TNIP3: variants seen among roughly 807,000 people sequenced by gnomAD.
TNIP3 encodes the protein TNFAIP3-interacting protein 3.
Under a neutral mutation model 54.1 loss-of-function variants are expected in TNIP3, and 34 were observed. The ratio of observed to expected loss-of-function variants is 0.63; its 90% confidence interval spans 0.48 to 0.84. The LOEUF (loss-of-function observed/expected upper bound fraction) is 0.84, where lower values mean the gene tolerates loss of function less well. TNIP3 is among the 40% of genes least tolerant of loss of function. The probability of loss-of-function intolerance (pLI) is 0.00; values close to 1 mark genes in which losing one functional copy is unlikely to be tolerated. For synonymous variants in TNIP3, 134 were observed against 136.8 expected (o/e 0.98, Z 0.14); for missense variants, 366 against 387.6 (o/e 0.94, Z 0.47).
upstream of TNIP3, among the ~76,000 whole-genome samples, chr4:121,165,659 T>TTGTGTGTGTGTG (rs67730856): frequency 4.1e-5 from 6 of 146,804 alleles, no homozygotes; most frequent in African/African-American, 1.5e-4. Context: ...TTTTGCTAGT[T>TTGTGTGTGTGTG]TGTGTGTGTG....
chr4:121,216,733 G>C, upstream of TNIP3: 1 of 869,980 alleles, frequency 1.1e-6, no homozygotes, highest in East Asian at 3.5e-5. Flanking sequence ...CAGGCTCAGT[G>C]AGTTAAGGAA....
At chr4:121,202,872 G>A (rs531350651) in intron 2 of TNIP3, among the ~76,000 whole-genome samples, 4 of 152,174 alleles carry the variant, frequency 2.6e-5, no homozygotes, top group Non-Finnish European at 2.9e-5. Context: ...AAACCAAAAT[G>A]TAATACCACC....
intron 2 of TNIP3, among the ~76,000 whole-genome samples, chr4:121,185,475 C>T (rs925334700): frequency 1.3e-5 from 2 of 152,104 alleles, no homozygotes; most frequent in Admixed American, 1.3e-4. Context: ...TATTTGTTTA[C>T]TTTTCTCCTC....
chr4:121,206,324 C>T lies in TNIP3; in HGVS notation c.68+10091G>A, dbSNP rs186307960. Among the ~76,000 whole-genome samples the T allele has an allele frequency of 6.7e-4, 102 of 152,196 alleles. 2 individuals are homozygous for T. The highest frequency in any genetic ancestry group is 2.2e-3 in the African/African-American group (91 of 41,540). On this transcript the variant is annotated intron_variant, in intron 2 of 12. Transcript: ENST00000507879. ...AACCTTTTGCTAAACACTTTGCATG[C>T]GTTATCTCATTTAATCCTCTCCTTA... is the stretch of plus-strand genomic sequence containing the variant.
upstream of TNIP3, among the ~76,000 whole-genome samples, chr4:121,167,003 A>T (rs906774659): frequency 3.3e-5 from 5 of 152,132 alleles, no homozygotes; most frequent in African/African-American, 7.2e-5. Flanking sequence ...ATTTTATACA[A>T]TGGGATAGTA....
chr4:121,154,389 A>G, intron 5 of TNIP3, 162 bp downstream of exon 5: 1 of 898,426 alleles, frequency 1.1e-6, no homozygotes, highest in Non-Finnish European at 1.7e-6. Context: ...GTATGACTGA[A>G]AGCTGCAGCT....
At chr4:121,140,300 C>T (rs570007115) in intron 9 of TNIP3, among the ~76,000 whole-genome samples, 46 of 151,482 alleles carry the variant, frequency 3.0e-4, no homozygotes, top group Non-Finnish European at 5.4e-4. Flanking sequence ...CACCACTGCA[C>T]TACAGCCTGG....
chr4:121,172,780 T>C (rs1724045524), intron 3 of TNIP3, among the ~76,000 whole-genome samples: 1 of 152,110 alleles, frequency 6.6e-6, no homozygotes, highest in African/African-American at 2.4e-5. Context: ...GCACAGAAAA[T>C]ATAAATTGCC....
intron 2 of TNIP3, among the ~76,000 whole-genome samples, chr4:121,190,006 G>T (rs1215401904): frequency 6.6e-6 from 1 of 152,184 alleles, no homozygotes; most frequent in Admixed American, 6.5e-5. Context: ...GCAGCTGCAG[G>T]TGCTGGTGCT....
Position 121,158,675 on chromosome 4 carries a change from A to G in TNIP3, c.213+12T>C, listed in dbSNP as rs1382227732. Reference sequence around the variant, plus strand: ...GCTTTAAAGAAAATACCGAATAGAGAGAGGTATTTACCTTTCTTTCATATA... The same window carrying G: ...GCTTTAAAGAAAATACCGAATAGAGGGAGGTATTTACCTTTCTTTCATATA... On this transcript the variant is annotated intron_variant, in intron 3 of 10. Coordinates refer to ENST00000057513, the MANE Select transcript of TNIP3 (RefSeq NM_024873.6). The G allele has an allele frequency of 6.3e-7, 1 of 1,598,092 alleles. No individual in the cohort carries two copies. The highest frequency in any genetic ancestry group is 8.6e-7 in the Non-Finnish European group (1 of 1,166,646).
intron 1 of TNIP3, chr4:121,227,286 T>A: frequency 9.4e-7 from 1 of 1,058,238 alleles, no homozygotes; most frequent in Non-Finnish European, 1.4e-6. Context: ...GTCTTTTTAA[T>A]ATGAGAACTT....
intron 5 of TNIP3, among the ~76,000 whole-genome samples, chr4:121,153,551 T>C (rs956017307): frequency 6.6e-6 from 1 of 152,232 alleles, no homozygotes; most frequent in Non-Finnish European, 1.5e-5. Flanking sequence ...TTTTCTGTCT[T>C]AGAGGATAAA....
At chr4:121,216,353 G>A (rs1307929443) in intron 2 of TNIP3, 1 of 1,359,244 alleles carries the variant, frequency 7.4e-7, no homozygotes, top group Non-Finnish European at 1.0e-6. Context: ...CCACAAAGCA[G>A]AAGTGCTCTA....
upstream of TNIP3, among the ~76,000 whole-genome samples, chr4:121,167,320 T>G (rs554100431): frequency 1.3e-5 from 2 of 152,252 alleles, no homozygotes; most frequent in South Asian, 2.1e-4. Flanking sequence ...AAATGAATGA[T>G]AGAGACAATA....
At chr4:121,178,091 C>T (rs187060133) in intron 3 of TNIP3, among the ~76,000 whole-genome samples, 1 of 152,086 alleles carries the variant, frequency 6.6e-6, no homozygotes, top group Non-Finnish European at 1.5e-5. Flanking sequence ...GAGCTCTGCT[C>T]TAGTCTTCAA....
At chr4:121,144,463 C>T (rs1300888370) in intron 7 of TNIP3, among the ~76,000 whole-genome samples, 1 of 152,088 alleles carries the variant, frequency 6.6e-6, no homozygotes, top group Non-Finnish European at 1.5e-5. Flanking sequence ...ATGCAGTGGC[C>T]CAATCTCGGC....
At chr4:121,176,020 G>GAAGGAGGAGGAGA (rs1724306310) in intron 3 of TNIP3, among the ~76,000 whole-genome samples, 3 of 152,192 alleles carry the variant, frequency 2.0e-5, no homozygotes, top group Admixed American at 2.0e-4. Context: ...TCCTCGTAAT[G>GAAGGAGGAGGAGA]AATGGAAGGA....
exon 3 of TNIP3, chr4:121,182,687 A>G: frequency 6.5e-7 from 1 of 1,534,126 alleles, no homozygotes; most frequent in South Asian, 1.2e-5. Context: ...TTCAGAGAAC[A>G]TAGATTTCTG....
chr4:121,138,687 G>A lies in TNIP3; in HGVS notation c.886-3C>T, dbSNP rs369603027. 86 of 1,613,420 alleles carry A rather than the reference G, an allele frequency of 5.3e-5. No homozygotes were observed. The African/African-American group carries it at 9.9e-4, about 19-fold the overall frequency. On this transcript the variant is annotated splice_polypyrimidine_tract_variant and splice_region_variant and intron_variant, in intron 9 of 10. Transcript: ENST00000057513. ...AGAGCATACCACTGATAGTCTGGCT[G>A]TGTGGAACAATACAACATTATTATA...
Sources: gnomAD v4.1 joint callset for allele counts (sites outside exome capture counted in the v4.1 genomes callset) on GRCh38, gnomAD v4.1.1 for gene constraint, MANE v1.5 for transcripts, NCBI Gene and HGNC (gene_info 2026-07-23, HGNC 2026-07-21) for gene names.